WWOX: variants seen among roughly 807,000 people sequenced by gnomAD.
The protein encoded by WWOX is WW domain-containing oxidoreductase.
WWOX carries 69 observed loss-of-function variants against 46.2 expected under a neutral mutation model. The observed-to-expected ratio is 1.49, with a 90% CI of 1.23 to 1.82. The LOEUF (loss-of-function observed/expected upper bound fraction) is 1.82, where lower values mean the gene tolerates loss of function less well. Among genes scored for constraint, WWOX ranks in the 40% most tolerant of loss-of-function variants. The probability of loss-of-function intolerance (pLI) is 0.00; values close to 1 mark genes in which losing one functional copy is unlikely to be tolerated. For missense variants in WWOX, 919 were observed against 542.6 expected, an observed-to-expected ratio of 1.69 and a Z score of -6.89; for synonymous variants, 359 against 202.6, an observed-to-expected ratio of 1.77 and a Z score of -6.56.
chr16:78,421,219 T>G (rs903286032), intron 6 of WWOX, among the ~76,000 whole-genome samples: 2 of 152,232 alleles, frequency 1.3e-5, no homozygotes, highest in Non-Finnish European at 2.9e-5. Flanking sequence ...TCTTACAGTT[T>G]CAGAGACCAA....
chr16:78,228,404 T>C (rs1166813115), intron 5 of WWOX, among the ~76,000 whole-genome samples: 1 of 150,640 alleles, frequency 6.6e-6, no homozygotes, highest in Non-Finnish European at 1.5e-5. Context: ...TGCAGTGGTG[T>C]GATCTCAGCT....
chr16:79,169,339 C>G (rs1036469519), intron 8 of WWOX, among the ~76,000 whole-genome samples: 1 of 152,166 alleles, frequency 6.6e-6, no homozygotes, highest in Non-Finnish European at 1.5e-5. Flanking sequence ...CCCAGAGGGC[C>G]ATGACTGCAT....
intron 8 of WWOX, among the ~76,000 whole-genome samples, chr16:78,949,628 A>C (rs1217679729): frequency 6.6e-6 from 1 of 152,194 alleles, no homozygotes. Flanking sequence ...TGTTCTTTTA[A>C]TCCACCTCTC....
At chr16:78,411,061 G>C (rs2082669012) in intron 6 of WWOX, among the ~76,000 whole-genome samples, 1 of 152,156 alleles carries the variant, frequency 6.6e-6, no homozygotes, top group African/African-American at 2.4e-5. Flanking sequence ...GAACAGGAGT[G>C]ATACAGAAGC....
chr16:78,848,738 C>A (rs1056737530), intron 8 of WWOX, among the ~76,000 whole-genome samples: 1 of 152,056 alleles, frequency 6.6e-6, no homozygotes, highest in East Asian at 1.9e-4. Flanking sequence ...TGAGGTTGAA[C>A]CACCAGTTCT....
chr16:78,691,143 C>G, intron 8 of WWOX: 3 of 662,248 alleles, frequency 4.5e-6, no homozygotes, highest in Non-Finnish European at 8.2e-6. Context: ...TTCATAAAAG[C>G]AAAAGCACAG....
At chr16:78,886,140 G>A (rs1175036498) in intron 8 of WWOX, among the ~76,000 whole-genome samples, 1 of 151,590 alleles carries the variant, frequency 6.6e-6, no homozygotes, top group African/African-American at 2.4e-5. Flanking sequence ...GGCCAGGCAG[G>A]TCTTGAAGTC....
intron 8 of WWOX, among the ~76,000 whole-genome samples, chr16:79,065,628 C>T (rs773881678): frequency 6.6e-5 from 10 of 152,170 alleles, no homozygotes; most frequent in African/African-American, 1.7e-4. Context: ...ATCTTGTGAC[C>T]TCCTATGCCT....
chr16:78,322,005 T>G (rs1264005514), intron 5 of WWOX, among the ~76,000 whole-genome samples: 1 of 152,202 alleles, frequency 6.6e-6, no homozygotes, highest in Non-Finnish European at 1.5e-5. Context: ...TTCAAATCAG[T>G]GCATGAGAAC....
At chr16:79,016,720 G>A (rs1167760296) in intron 8 of WWOX, 1 of 152,232 alleles carries the variant, frequency 6.6e-6, no homozygotes, top group Non-Finnish European at 1.5e-5. Context: ...ATCGCGCCTG[G>A]CTAGGAACTC....
chr16:78,934,021 G>A (rs1183794203), intron 8 of WWOX, among the ~76,000 whole-genome samples: 8 of 151,862 alleles, frequency 5.3e-5, no homozygotes, highest in African/African-American at 7.3e-5. Flanking sequence ...TAGAGACACC[G>A]TCTCTCAAAA....
At chr16:78,960,754 A>C (rs1252136984) in intron 8 of WWOX, among the ~76,000 whole-genome samples, 1 of 152,160 alleles carries the variant, frequency 6.6e-6, no homozygotes, top group African/African-American at 2.4e-5. Context: ...AAAGGAGCCT[A>C]TGTAGCTTTG....
intron 5 of WWOX, among the ~76,000 whole-genome samples, chr16:78,321,688 G>A (rs967163238): frequency 6.6e-6 from 1 of 152,082 alleles, no homozygotes; most frequent in African/African-American, 2.4e-5. Context: ...TAAATGATTG[G>A]AAGCCGCGTG....
chr16:78,413,574 A>G (rs16918561), intron 6 of WWOX, among the ~76,000 whole-genome samples: 1 of 152,078 alleles, frequency 6.6e-6, no homozygotes, highest in Non-Finnish European at 1.5e-5. Context: ...GCAAATCACA[A>G]TGGGGGAATG....
chr16:78,108,007 C>A (rs2032257846), intron 1 of WWOX, among the ~76,000 whole-genome samples: 1 of 151,864 alleles, frequency 6.6e-6, no homozygotes, highest in South Asian at 2.1e-4. Context: ...CGGCTCACTG[C>A]AACTTCTGCT....
At chr16:78,488,640 C>T (rs1383811150) in intron 8 of WWOX, among the ~76,000 whole-genome samples, 1 of 152,094 alleles carries the variant, frequency 6.6e-6, no homozygotes, top group African/African-American at 2.4e-5. Flanking sequence ...GCTCTGAGCT[C>T]ATTAGGCGTC....
At chr16:78,433,256 C>T (rs2083264840) in intron 8 of WWOX, among the ~76,000 whole-genome samples, 1 of 152,066 alleles carries the variant, frequency 6.6e-6, no homozygotes, top group African/African-American at 2.4e-5. Context: ...CCTTTGATAG[C>T]TAGGAGTGTG....
intron 6 of WWOX, among the ~76,000 whole-genome samples, chr16:78,390,950 T>A (rs2082163352): frequency 6.6e-6 from 1 of 152,232 alleles, no homozygotes; most frequent in Admixed American, 6.5e-5. Flanking sequence ...AGCCAGAGTA[T>A]TATCAGGCTC....
intron 8 of WWOX, among the ~76,000 whole-genome samples, chr16:78,520,972 G>C (rs1479970585): frequency 6.6e-6 from 1 of 152,128 alleles, no homozygotes; most frequent in Admixed American, 6.5e-5. Context: ...TGGTCACCAG[G>C]GCGAGCAGTT....
Sources: gnomAD v4.1 joint callset for allele counts (sites outside exome capture counted in the v4.1 genomes callset) on GRCh38, gnomAD v4.1.1 for gene constraint, MANE v1.5 for transcripts, NCBI Gene and HGNC (gene_info 2026-07-23, HGNC 2026-07-21) for gene names.